ADAMTS10: variants seen among roughly 807,000 people sequenced by gnomAD.
ADAMTS10 encodes the protein ADAM metallopeptidase with thrombospondin type 1 motif 10.
In ADAMTS10, 48 loss-of-function variants were observed where a neutral mutation model predicts 135.9. The observed-to-expected ratio is 0.35, with a 90% CI of 0.28 to 0.45. The LOEUF (loss-of-function observed/expected upper bound fraction) is 0.45. Among genes scored for constraint, ADAMTS10 ranks in the 20% least tolerant of loss-of-function variants. The pLI, the probability that ADAMTS10 is intolerant of heterozygous loss-of-function variation, is 1.00. For missense variants in ADAMTS10, 1,131 were observed against 1,565.2 expected, an observed-to-expected ratio of 0.72 and a Z score of 4.68; for synonymous variants, 621 against 647.5, an observed-to-expected ratio of 0.96 and a Z score of 0.62.
Position 8,596,607 on chromosome 19 carries a change from G to A in ADAMTS10, c.1041-22C>T. 1 of 1,612,118 alleles carries A rather than the reference G, an allele frequency of 6.2e-7. No individual in the cohort carries two copies. Among genetic ancestry groups the A allele is most frequent in the Non-Finnish European group, 8.5e-7 (1 of 1,179,690 alleles). Reference sequence around the variant, plus strand: ...ATAGCTGTAAAAGGAGACAGGGTCAGTGAGGGGGCTGGGCTGTCTCCCTAA... The same window carrying A: ...ATAGCTGTAAAAGGAGACAGGGTCAATGAGGGGGCTGGGCTGTCTCCCTAA... On this transcript the variant is annotated intron_variant, in intron 8 of 25. Transcript: ENST00000597188. The surrounding 1 kb of genome is among the most constrained non-coding windows in gnomAD (Gnocchi z 7.2).
In ADAMTS10 at chr19:8,589,285, G is replaced by A. The variant is rs782378813; in HGVS notation, c.2115C>T (p.Cys705=). 1.3e-5 allele frequency: 21 copies of A among 1,612,314 alleles called. No individual in the cohort carries two copies. The Admixed American group carries it at 1.5e-4, about 12-fold the overall frequency. ...GGCTGAAGACGCCCTCGATGGTCTC[G>A]CAGGCACTGCCGTCACCGCCACACA... The part of the protein sequence containing the change: ...CRVCGGDGSA[C]ETIEGVFSPA... Residue 705 remains cysteine (C), a synonymous_variant, in exon 18 of 26, where the codon TGC becomes TGT. Transcript: ENST00000597188.
chr19:8,589,844 C>T (rs782749223), intron 16 of ADAMTS10, 45 bp downstream of exon 16: 26 of 1,573,174 alleles, frequency 1.7e-5, no homozygotes, highest in African/African-American at 1.1e-4. Flanking sequence ...GACACTCCCA[C>T]GGCTGCCCTT....
chr19:8,581,130 CTTTTTTTTTTTTTTT>C (rs369050914), intron 25 of ADAMTS10, 128 bp from the exon 26 acceptor site: 7,393 of 147,464 alleles, frequency 0.05, 463 homozygotes, highest in African/African-American at 0.24. Context: ...TTTAAATTTA[CTTTTTTTTTTTTTTT>C]TTTTTTTTTT....
At chr19:8,585,361 A>T in intron 23 of ADAMTS10, 53 bp from the exon 24 acceptor site, 1 of 1,534,010 alleles carries the variant, frequency 6.5e-7, no homozygotes, top group Non-Finnish European at 8.7e-7. Flanking sequence ...GTGCGAAGTG[A>T]GGAGGGGACA....
rs1555736411 is a variant in ADAMTS10 at position 8,584,907 on chromosome 19, C to T, written c.3190G>A (p.Asp1064Asn). The stretch of plus-strand genomic sequence containing the variant: ...GTCACCCACATACCTTCAGGGCCGT[C>T]CCCGGGGGTTGGGCTGTCGCACTTG... ...EAKCDSPTPGDGPEECKDVNK... is the reference protein window; with the variant it reads ...EAKCDSPTPGNGPEECKDVNK... Residue 1064 changes from aspartate (D) to asparagine (N), a missense_variant, in exon 25 of 26, where the codon GAC (aspartate) becomes AAC (asparagine). Around this residue, in one of 3 missense-constraint regions of ADAMTS10, gnomAD observed 745 missense variants for 1,056.3 expected, o/e 0.71. Coordinates refer to ENST00000597188, the MANE Select transcript of ADAMTS10 (RefSeq NM_030957.4). 12 of 1,548,892 alleles carry T rather than the reference C, an allele frequency of 7.7e-6. No homozygotes were observed. The highest frequency in any genetic ancestry group is 9.6e-6 in the Non-Finnish European group (11 of 1,146,486).
At chr19:8,607,157 A>G (rs917217263) in intron 2 of ADAMTS10, among the ~76,000 whole-genome samples, 7 of 152,128 alleles carry the variant, frequency 4.6e-5, no homozygotes, top group African/African-American at 1.7e-4. Flanking sequence ...GCTCCCACCC[A>G]TGCATCTACT....
At chr19:8,593,964 G>A (rs1344496640) in intron 12 of ADAMTS10, among the ~76,000 whole-genome samples, 1 of 152,190 alleles carries the variant, frequency 6.6e-6, no homozygotes, top group Non-Finnish European at 1.5e-5. Flanking sequence ...TAAGAAGCTG[G>A]AAGAGTTGTT....
intron 13 of ADAMTS10, 162 bp from the exon 14 acceptor site, chr19:8,592,265 T>TG: frequency 7.1e-7 from 1 of 1,410,966 alleles, no homozygotes; most frequent in South Asian, 1.4e-5. Context: ...CGTAGGAGAG[T>TG]GGTCTGGGAG....
Position 8,605,544 on chromosome 19 carries a change from A to T in ADAMTS10, c.88+79T>A. 3 of 987,134 alleles carry T rather than the reference A, an allele frequency of 3.0e-6. No individual in the cohort carries two copies. Among genetic ancestry groups the T allele is most frequent in the Non-Finnish European group, 4.5e-6 (3 of 671,894 alleles). 61.1% of individuals were successfully genotyped at this position (987,134 alleles called of 1,614,324 possible). ...CATTGACCCCCATCCCAGCCCCCTG[A>T]TGCCTCTTTCTGTTGGAGCCCAACT... On this transcript the variant is annotated intron_variant, in intron 3 of 25. Transcript: ENST00000597188. The surrounding 1 kb of genome is among the most constrained non-coding windows in gnomAD (Gnocchi z 7.7).
Position 8,585,288 on chromosome 19 carries a change from C to A in ADAMTS10, c.2886G>T (p.Pro962=). 1 of 1,519,408 alleles carries A rather than the reference C, an allele frequency of 6.6e-7. No individual in the cohort carries two copies. The highest frequency in any genetic ancestry group is 2.4e-5 in the East Asian group (1 of 41,352). 94.1% of individuals were successfully genotyped at this position (1,519,408 alleles called of 1,614,324 possible). ...AAAGGACCACGCGGTGGCGGAGGCC[C>A]GGCCCGCAGCTGGGGGTGCACTGCA... The part of the protein sequence containing the change: ...DWSECTPSCG[P]GLRHRVVLCK... The change falls in exon 24 of 26, where the codon CCG becomes CCT. Residue 962 remains proline (P), a synonymous_variant. Transcript: ENST00000597188.
rs1555739569 is a variant in ADAMTS10 at position 8,593,216 on chromosome 19, GTC to G, written c.1480-348_1480-347del. 8 of 351,314 alleles carry G rather than the reference GTC, an allele frequency of 2.3e-5. No individual in the cohort carries two copies. The East Asian group carries it at 4.8e-4, about 21-fold the overall frequency. 21.8% of individuals were successfully genotyped at this position (351,314 alleles called of 1,614,324 possible). Reference sequence around the variant, plus strand: ...GTTTAACCCAGCTCTTTAATTCAGAGTCTGTGCTCTAACGAACTTTGCAATTC... The same window carrying G: ...GTTTAACCCAGCTCTTTAATTCAGAGTGTGCTCTAACGAACTTTGCAATTC... On this transcript the variant is annotated intron_variant, in intron 12 of 25. Transcript: ENST00000597188.
intron 15 of ADAMTS10, among the ~76,000 whole-genome samples, chr19:8,591,037 C>T (rs1049283971): frequency 6.6e-6 from 1 of 152,136 alleles, no homozygotes; most frequent in African/African-American, 2.4e-5. Context: ...CTAAAACACC[C>T]CCTCCCCAGT....
chr19:8,596,314 C>T lies in ADAMTS10; in HGVS notation c.1183G>A (p.Gly395Arg), dbSNP rs781920954. The T allele has an allele frequency of 1.9e-6, 3 of 1,612,836 alleles. No homozygotes were observed. The highest frequency in any genetic ancestry group is 1.1e-5 in the South Asian group (1 of 91,056). Residue 395 changes from glycine to arginine, a missense_variant, in exon 10 of 26, where the codon GGG (glycine) becomes AGG (arginine). This residue lies in a region of ADAMTS10 where 745 missense variants were observed against 1,056.3 expected (regional missense o/e 0.71). Transcript: ENST00000597188. The surrounding 1 kb of genome is among the most constrained non-coding windows in gnomAD (Gnocchi z 7.2). Reference protein sequence around the residue: ...ATAFTIAHEIGHTFGMNHDGV... With the variant: ...ATAFTIAHEIRHTFGMNHDGV... ...TGTGTGCCCTGGCCTCACGTGTGCC[C>T]GATCTCGTGGGCAATGGTGAACGCT...
At chr19:8,603,223 C>G (rs1555741818) in intron 5 of ADAMTS10, among the ~76,000 whole-genome samples, 2 of 152,188 alleles carry the variant, frequency 1.3e-5, no homozygotes, top group African/African-American at 4.8e-5. Flanking sequence ...TATTCCATAG[C>G]TCCACTGGTT....
chr19:8,593,857 A>G (rs2042573084), intron 12 of ADAMTS10, among the ~76,000 whole-genome samples: 1 of 152,150 alleles, frequency 6.6e-6, no homozygotes, highest in Non-Finnish European at 1.5e-5. Flanking sequence ...CTTTGAACCC[A>G]ATTCTTGTAA....
At position 8,586,126 on chromosome 19, in the gene ADAMTS10, G is replaced by C; in HGVS notation, c.2656C>G (p.Pro886Ala). ...QRACNTEPCPPDWVVGNWSLC... is the reference protein window; with the variant it reads ...QRACNTEPCPADWVVGNWSLC... The stretch of plus-strand genomic sequence containing the variant: ...CTGCCCCCTGGCGGCACTCACTCTG[G>C]AGGGCAAGGCTCCGTGTTGCAGGCG... The change falls in exon 22 of 26, where the codon CCA becomes GCA. Residue 886 changes from proline (P) to alanine (A), a missense_variant. By Grantham distance (27) the Pro-to-Ala change is conservative. Around this residue, in one of 3 missense-constraint regions of ADAMTS10, gnomAD observed 745 missense variants for 1,056.3 expected, o/e 0.71. Transcript: ENST00000597188. 2 of 1,613,082 alleles carry C rather than the reference G, an allele frequency of 1.2e-6. No individual in the cohort carries two copies. Among genetic ancestry groups the C allele is most frequent in the South Asian group, 2.2e-5 (2 of 91,056 alleles).
intron 12 of ADAMTS10, chr19:8,593,190 AGTTTAACC>A: frequency 7.0e-6 from 3 of 428,294 alleles, no homozygotes; most frequent in Admixed American, 7.3e-5. Flanking sequence ...AATAGCCTGG[AGTTTAACC>A]CAGCTCTTTA....
chr19:8,596,961 G>A lies in ADAMTS10; in HGVS notation c.1040+26C>T, dbSNP rs781985316. On this transcript the variant is annotated intron_variant, in intron 8 of 25. Coordinates refer to ENST00000597188, the MANE Select transcript of ADAMTS10 (RefSeq NM_030957.4). This position sits in a 1 kb window ranked among gnomAD's most constrained non-coding sequence, Gnocchi z 7.2. ...TGGACCATCTGTTTTCTCAGCCCCA[G>A]TCCTAGACCTCTCCTGTCCCCTCAC... The A allele has an allele frequency of 1.2e-6, 2 of 1,610,530 alleles. No homozygotes were observed. The highest frequency in any genetic ancestry group is 1.7e-6 in the Non-Finnish European group (2 of 1,179,858).
At chr19:8,595,195 C>T (rs938785806) in intron 12 of ADAMTS10, among the ~76,000 whole-genome samples, 31 of 152,086 alleles carry the variant, frequency 2.0e-4, no homozygotes, top group Non-Finnish European at 4.0e-4. Context: ...AGGTCTTCAG[C>T]TTCCTGGGGG....
Sources: gnomAD v4.1 joint callset for allele counts (sites outside exome capture counted in the v4.1 genomes callset) on GRCh38, gnomAD v4.1.1 for gene constraint, gnomAD v4.1.1 regional missense constraint, Gnocchi (gnomAD v3.1) non-coding constraint, MANE v1.5 for transcripts, NCBI Gene and HGNC (gene_info 2026-07-23, HGNC 2026-07-21) for gene names.